HCN1: variants seen among roughly 807,000 people sequenced by gnomAD.
HCN1 encodes the protein potassium/sodium hyperpolarization-activated cyclic nucleotide-gated channel 1.
Under a neutral mutation model 78.9 loss-of-function variants are expected in HCN1, and 13 were observed. That is an observed-to-expected ratio of 0.16 (90% CI 0.11 to 0.26). The LOEUF is 0.26. HCN1 is among the 10% of genes least tolerant of loss of function. The pLI, the probability that HCN1 is intolerant of heterozygous loss-of-function variation, is 1.00. For synonymous variants in HCN1, 552 were observed against 455.5 expected (o/e 1.21, Z -2.70); for missense variants, 810 against 1,154.3 (o/e 0.70, Z 4.32).
At chr5:45,432,287 C>A (rs537646198) in intron 3 of HCN1, among the ~76,000 whole-genome samples, 2 of 152,038 alleles carry the variant, frequency 1.3e-5, no homozygotes, top group Admixed American at 1.3e-4. Flanking sequence ...GATTTTGTAT[C>A]CTGAAACTTT....
chr5:45,421,596 TC>T (rs909197092), intron 3 of HCN1, among the ~76,000 whole-genome samples: 26 of 152,254 alleles, frequency 1.7e-4, no homozygotes, highest in African/African-American at 6.0e-4. Context: ...AACAGTATAT[TC>T]CAAAAAATAT....
At chr5:45,635,971 G>T (rs1745351084) in intron 2 of HCN1, among the ~76,000 whole-genome samples, 2 of 152,098 alleles carry the variant, frequency 1.3e-5, no homozygotes, top group African/African-American at 2.4e-5. Flanking sequence ...CATTGAATCA[G>T]ACTAAAGTGA....
At chr5:45,459,305 G>T (rs1299312682) in intron 3 of HCN1, among the ~76,000 whole-genome samples, 1 of 151,020 alleles carries the variant, frequency 6.6e-6, no homozygotes, top group African/African-American at 2.4e-5. Flanking sequence ...GAACATACAT[G>T]ACGGTTTCCT....
chr5:45,409,926 G>A (rs1217519880), intron 3 of HCN1, among the ~76,000 whole-genome samples: 3 of 151,328 alleles, frequency 2.0e-5, no homozygotes, highest in Non-Finnish European at 4.4e-5. Flanking sequence ...TTAAGGTCAT[G>A]GAAAACATTA....
At chr5:45,338,055 C>A (rs1746500903) in intron 5 of HCN1, among the ~76,000 whole-genome samples, 1 of 152,060 alleles carries the variant, frequency 6.6e-6, no homozygotes, top group South Asian at 2.1e-4. Context: ...GTAGTTCTTA[C>A]CGCCATTTTA....
At chr5:45,373,606 C>T (rs936276863) in intron 4 of HCN1, among the ~76,000 whole-genome samples, 23 of 136,290 alleles carry the variant, frequency 1.7e-4, no homozygotes, top group African/African-American at 4.1e-4. Context: ...ACGGTATATA[C>T]GTCATCTATA....
At position 45,618,435 on chromosome 5, in the gene HCN1, G is replaced by A. The variant is rs116703278; in HGVS notation, c.849+26750C>T. Among the ~76,000 whole-genome samples, 450 of 152,192 alleles carry A rather than the reference G, an allele frequency of 3.0e-3. 3 individuals are homozygous for A. The highest frequency in any genetic ancestry group is 4.6e-3 in the Admixed American group (70 of 15,274). On this transcript the variant is annotated intron_variant, in intron 2 of 7. Coordinates refer to ENST00000303230, the MANE Select transcript of HCN1 (RefSeq NM_021072.4). ...AGAATGCTTTGTATGATATTTTAAG[G>A]AGCTAGATTGATTTCTGTAAACAAT...
chr5:45,434,595 A>G (rs1442375062), intron 3 of HCN1, among the ~76,000 whole-genome samples: 1 of 152,256 alleles, frequency 6.6e-6, no homozygotes, highest in African/African-American at 2.4e-5. Flanking sequence ...GCAAAGCTGC[A>G]GATTGAGAAG....
At chr5:45,530,310 G>A (rs993641764) in intron 2 of HCN1, among the ~76,000 whole-genome samples, 1 of 151,940 alleles carries the variant, frequency 6.6e-6, no homozygotes, top group Non-Finnish European at 1.5e-5. Context: ...CCTGCCTTAA[G>A]TGACATTGTA....
At chr5:45,691,959 G>A (rs1271201054) in intron 1 of HCN1, among the ~76,000 whole-genome samples, 2 of 152,102 alleles carry the variant, frequency 1.3e-5, no homozygotes, top group Non-Finnish European at 2.9e-5. Context: ...TCATACTAAT[G>A]ATGAAAAGAA....
intron 2 of HCN1, among the ~76,000 whole-genome samples, chr5:45,482,344 G>C (rs1428094273): frequency 6.6e-6 from 1 of 152,140 alleles, no homozygotes; most frequent in Non-Finnish European, 1.5e-5. Flanking sequence ...ATGTGGACTA[G>C]AGGTATATTC....
chr5:45,283,551 C>G (rs145063212), intron 6 of HCN1, among the ~76,000 whole-genome samples: 1,529 of 152,184 alleles, frequency 0.01, 23 homozygotes, highest in African/African-American at 0.034. Context: ...AGCTCAATAT[C>G]ATTGATCATT....
At chr5:45,676,204 G>A (rs1315944953) in intron 1 of HCN1, among the ~76,000 whole-genome samples, 1 of 151,696 alleles carries the variant, frequency 6.6e-6, no homozygotes, top group African/African-American at 2.4e-5. Flanking sequence ...AGCTTTTCCA[G>A]TATGACCTGC....
intron 2 of HCN1, among the ~76,000 whole-genome samples, chr5:45,503,554 AAAAT>A (rs533833317): frequency 4.8e-4 from 73 of 152,314 alleles, no homozygotes; most frequent in East Asian, 2.3e-3. Context: ...GTATTTGATG[AAAAT>A]AAATAAATAT....
intron 4 of HCN1, among the ~76,000 whole-genome samples, chr5:45,353,591 G>T (rs750678812): frequency 4.6e-5 from 7 of 152,056 alleles, no homozygotes; most frequent in Non-Finnish European, 8.8e-5. Flanking sequence ...AGTTCTAAAA[G>T]AAGTATGAAA....
intron 3 of HCN1, among the ~76,000 whole-genome samples, chr5:45,411,997 G>C (rs550631257): frequency 6.6e-6 from 1 of 152,202 alleles, no homozygotes; most frequent in South Asian, 2.1e-4. Flanking sequence ...TATCCAGACA[G>C]ATCATAAAGG....
intron 2 of HCN1, among the ~76,000 whole-genome samples, chr5:45,556,984 C>A (rs374211502): frequency 1.3e-5 from 2 of 152,130 alleles, no homozygotes; most frequent in South Asian, 2.1e-4. Flanking sequence ...TGACTTTGGA[C>A]TTTCATAAAA....
intron 6 of HCN1, among the ~76,000 whole-genome samples, chr5:45,272,246 T>C (rs944607694): frequency 2.6e-5 from 4 of 152,092 alleles, no homozygotes; most frequent in Non-Finnish European, 5.9e-5. Flanking sequence ...GCCATATCTG[T>C]GTGTATATGT....
At chr5:45,295,756 A>T (rs554558221) in intron 6 of HCN1, among the ~76,000 whole-genome samples, 1 of 152,110 alleles carries the variant, frequency 6.6e-6, no homozygotes, top group African/African-American at 2.4e-5. Flanking sequence ...AGCATTCCTC[A>T]GCTAATGTCT....
Sources: gnomAD v4.1 joint callset for allele counts (sites outside exome capture counted in the v4.1 genomes callset) on GRCh38, gnomAD v4.1.1 for gene constraint, MANE v1.5 for transcripts, NCBI Gene and HGNC (gene_info 2026-07-23, HGNC 2026-07-21) for gene names.